Variants in CNTNAP2 observed in about 807,000 individuals in gnomAD.
CNTNAP2 encodes the protein contactin associated protein 2, also known as contactin-associated protein-like 2.
In CNTNAP2, 98 loss-of-function variants were observed where a neutral mutation model predicts 155.2. That is an observed-to-expected ratio of 0.63 (90% CI 0.54 to 0.75). The LOEUF is 0.75. Among genes scored for constraint, CNTNAP2 ranks in the 30% least tolerant of loss-of-function variants. The pLI, the probability that CNTNAP2 is intolerant of heterozygous loss-of-function variation, is 0.00. For missense variants in CNTNAP2, 1,727 were observed against 1,688.1 expected (o/e 1.02, Z -0.40); for synonymous variants, 651 against 631.2 (o/e 1.03, Z -0.47).
intron 12 of CNTNAP2, among the ~76,000 whole-genome samples, chr7:147,613,678 C>T (rs570099291): frequency 6.6e-6 from 1 of 152,034 alleles, no homozygotes; most frequent in Non-Finnish European, 1.5e-5. Context: ...CCCGTCTCTA[C>T]TAAAAATACA....
chr7:148,327,589 T>C (rs1219241966), intron 21 of CNTNAP2, among the ~76,000 whole-genome samples: 1 of 152,148 alleles, frequency 6.6e-6, no homozygotes, highest in Non-Finnish European at 1.5e-5. Context: ...CAAAGACATA[T>C]TACCCAACTT....
At chr7:148,294,799 T>C (rs1797253815) in intron 21 of CNTNAP2, among the ~76,000 whole-genome samples, 1 of 152,162 alleles carries the variant, frequency 6.6e-6, no homozygotes, top group Admixed American at 6.5e-5. Context: ...CATTTTAACA[T>C]ACTTGAGGTG....
intron 2 of CNTNAP2, among the ~76,000 whole-genome samples, chr7:146,777,818 G>A (rs1432303467): frequency 6.6e-6 from 1 of 152,080 alleles, no homozygotes; most frequent in African/African-American, 2.4e-5. Flanking sequence ...AAATTTATAT[G>A]CAAATGCCCT....
At chr7:147,079,432 A>T (rs10231780) in intron 4 of CNTNAP2, among the ~76,000 whole-genome samples, 1 of 151,750 alleles carries the variant, frequency 6.6e-6, no homozygotes, top group Admixed American at 6.6e-5. Context: ...CAAAAGACCC[A>T]CAGCCTGACT....
intron 21 of CNTNAP2, among the ~76,000 whole-genome samples, chr7:148,279,606 C>T (rs1450274671): frequency 1.3e-5 from 2 of 152,196 alleles, no homozygotes; most frequent in Non-Finnish European, 2.9e-5. Context: ...AGAAACCGAA[C>T]ACCACCTGTA....
At chr7:148,047,362 T>C (rs1167439235) in intron 15 of CNTNAP2, among the ~76,000 whole-genome samples, 3 of 152,160 alleles carry the variant, frequency 2.0e-5, no homozygotes, top group Non-Finnish European at 2.9e-5. Flanking sequence ...ACTTAACATA[T>C]GTTTTTGATT....
chr7:147,780,433 A>G (rs1160515657), intron 13 of CNTNAP2, among the ~76,000 whole-genome samples: 1 of 152,196 alleles, frequency 6.6e-6, no homozygotes, highest in Admixed American at 6.5e-5. Context: ...TATTATAAGA[A>G]TATTTCTGAG....
chr7:148,241,190 A>C (rs923944929), intron 20 of CNTNAP2, among the ~76,000 whole-genome samples: 3 of 152,200 alleles, frequency 2.0e-5, no homozygotes, highest in African/African-American at 7.2e-5. Flanking sequence ...CATCTTTTCT[A>C]ATGCAGTTTG....
intron 10 of CNTNAP2, among the ~76,000 whole-genome samples, chr7:147,431,252 C>T (rs1797461681): frequency 6.6e-6 from 1 of 152,100 alleles, no homozygotes; most frequent in African/African-American, 2.4e-5. Context: ...GGTCACAAAC[C>T]TTTAATGAAT....
Position 147,733,928 on chromosome 7 carries a change from G to C in CNTNAP2, c.2098+94622G>C, listed in dbSNP as rs181084234. Among the ~76,000 whole-genome samples, 496 of 152,204 alleles carry C rather than the reference G, an allele frequency of 3.3e-3. 6 individuals carry two copies. The highest frequency in any genetic ancestry group is 0.011 in the African/African-American group (467 of 41,524). On this transcript the variant is annotated intron_variant, in intron 13 of 23. Coordinates refer to ENST00000361727, the MANE Select transcript of CNTNAP2 (RefSeq NM_014141.6). ...AGGAGATTTTGGGCTGAGACGATGG[G>C]GTTTTCTAGATATACAATCATTTCA...
chr7:147,338,085 T>C (rs59272424), intron 9 of CNTNAP2, among the ~76,000 whole-genome samples: 4,990 of 152,192 alleles, frequency 0.033, 119 homozygotes, highest in South Asian at 0.045. Flanking sequence ...GGGTAATTTA[T>C]AAAGAAAAGA....
At chr7:146,291,543 G>C (rs1442406053) in intron 1 of CNTNAP2, among the ~76,000 whole-genome samples, 1 of 152,044 alleles carries the variant, frequency 6.6e-6, no homozygotes, top group East Asian at 1.9e-4. Context: ...TTGCTACTTA[G>C]ACCTTCACAG....
At chr7:148,006,947 T>C (rs1486200221) in intron 15 of CNTNAP2, among the ~76,000 whole-genome samples, 1 of 152,180 alleles carries the variant, frequency 6.6e-6, no homozygotes. Context: ...TCTTAGACTA[T>C]TACATCTTTG....
At chr7:146,533,369 A>G (rs935597310) in intron 1 of CNTNAP2, among the ~76,000 whole-genome samples, 6 of 152,120 alleles carry the variant, frequency 3.9e-5, no homozygotes, top group Non-Finnish European at 5.9e-5. Context: ...AAAGTTAACC[A>G]TATTATAGAA....
intron 2 of CNTNAP2, among the ~76,000 whole-genome samples, chr7:146,779,112 C>G (rs1306716886): frequency 1.3e-5 from 2 of 152,188 alleles, no homozygotes; most frequent in African/African-American, 4.8e-5. Context: ...GTTTCACTCA[C>G]AGGCTCTTTC....
intron 13 of CNTNAP2, among the ~76,000 whole-genome samples, chr7:147,729,428 GCACACACACA>G (rs3053507): frequency 0.38 from 56,675 of 149,270 alleles, 13,046 homozygotes; most frequent in African/African-American, 0.65. Flanking sequence ...ACACACACAC[GCACACACACA>G]CACACACACA....
chr7:147,362,777 A>G (rs1054395941), intron 9 of CNTNAP2, among the ~76,000 whole-genome samples: 1 of 152,186 alleles, frequency 6.6e-6, no homozygotes, highest in Non-Finnish European at 1.5e-5. Context: ...CAGTTTTTGG[A>G]AACATGGCAT....
intron 4 of CNTNAP2, among the ~76,000 whole-genome samples, chr7:147,095,106 G>A (rs575009289): frequency 2.3e-4 from 35 of 151,694 alleles, no homozygotes; most frequent in South Asian, 4.2e-4. Context: ...TGCAACCTTC[G>A]TCTACCGGGT....
chr7:147,202,574 G>T (rs1802943810), intron 8 of CNTNAP2, among the ~76,000 whole-genome samples: 1 of 151,810 alleles, frequency 6.6e-6, no homozygotes, highest in South Asian at 2.1e-4. Context: ...TGATAGACTG[G>T]AGTAGGAAAA....
Sources: allele counts gnomAD v4.1 joint callset (sites outside exome capture counted in the v4.1 genomes callset), GRCh38; gene constraint gnomAD v4.1.1; transcripts MANE v1.5; gene names NCBI Gene and HGNC (gene_info 2026-07-23, HGNC 2026-07-21).